Variants in RYK observed in about 807,000 individuals in gnomAD.
RYK encodes receptor like tyrosine kinase, also known as inactive tyrosine-protein kinase RYK.
RYK carries 21 observed loss-of-function variants against 70.2 expected under a neutral mutation model. That is an observed-to-expected ratio of 0.30 (90% confidence interval 0.21 to 0.43). The LOEUF (loss-of-function observed/expected upper bound fraction) is 0.43, where lower values mean the gene tolerates loss of function less well. Ranked by LOEUF, RYK falls within the 20% of genes least tolerant of loss-of-function variation. The pLI is 1.00. For synonymous variants in RYK, 267 were observed against 278.0 expected (o/e 0.96, Z 0.39); for missense variants, 604 against 753.3 (o/e 0.80, Z 2.32).
At chr3:134,198,009 A>AT (rs1553771024) in intron 6 of RYK, among the ~76,000 whole-genome samples, 5 of 151,932 alleles carry the variant, frequency 3.3e-5, no homozygotes, top group African/African-American at 1.2e-4. Flanking sequence ...TCAGAACGAA[A>AT]TTTTTTTTTG....
intron 4 of RYK, 101 bp from the exon 5 acceptor site, chr3:134,207,626 T>C (rs763894013): frequency 1.4e-6 from 1 of 711,882 alleles, no homozygotes; most frequent in African/African-American, 1.8e-5. Context: ...CAGCAACAGG[T>C]ATGTGTTGCG....
chr3:134,188,703 T>G (rs545073002), intron 9 of RYK, 134 bp downstream of exon 9: 1 of 575,402 alleles, frequency 1.7e-6, no homozygotes, highest in East Asian at 3.1e-5. Flanking sequence ...AAGACAATTT[T>G]TGTTTTCAGC....
chr3:134,157,226 A>C lies in RYK; in HGVS notation c.*927T>G, dbSNP rs1171260075. 1.3e-5 allele frequency: 2 copies of C among 152,716 alleles called. No individual in the cohort carries two copies. Among genetic ancestry groups the C allele is most frequent in the Non-Finnish European group, 2.9e-5 (2 of 68,052 alleles). The allele number at this position is 152,716 out of a possible 1,614,324, so 9.5% of individuals were successfully genotyped here. ...AGATAAGCACAAAATTTACCAGTTT[A>C]CATTTAAAAAACAAACAAAAAACGA... On this transcript the variant is annotated 3_prime_UTR_variant, in exon 15 of 15. Coordinates refer to ENST00000623711, the MANE Select transcript of RYK (RefSeq NM_002958.4).
At chr3:134,170,206 T>C (rs1220688808) in intron 13 of RYK, among the ~76,000 whole-genome samples, 1 of 152,202 alleles carries the variant, frequency 6.6e-6, no homozygotes, top group Non-Finnish European at 1.5e-5. Flanking sequence ...AAATTTATAA[T>C]AAGCTACAAA....
intron 1 of RYK, among the ~76,000 whole-genome samples, chr3:134,247,585 C>A (rs1287787235): frequency 6.6e-6 from 1 of 151,918 alleles, no homozygotes; most frequent in East Asian, 1.9e-4. Flanking sequence ...GCCTGTAATC[C>A]CAACTACTGG....
rs116080830 is a variant in RYK, at chr3:134,187,919, T to C, written c.1102+918A>G. Among the ~76,000 whole-genome samples, 1,045 of 152,134 alleles carry C rather than the reference T, an allele frequency of 6.9e-3. 18 individuals are homozygous for C. The highest frequency in any genetic ancestry group is 0.023 in the African/African-American group (964 of 41,518). On this transcript the variant is annotated intron_variant, in intron 9 of 14. Transcript: ENST00000623711. Reference sequence around the variant, plus strand: ...CTGTTGTAAGTAATTAAAATTCTAGTATTTTTTAAAGTCTTGCAAATCTAC... The same window carrying C: ...CTGTTGTAAGTAATTAAAATTCTAGCATTTTTTAAAGTCTTGCAAATCTAC...
At chr3:134,174,399 T>C (rs1022563880) in intron 13 of RYK, among the ~76,000 whole-genome samples, 2 of 152,226 alleles carry the variant, frequency 1.3e-5, no homozygotes, top group South Asian at 4.1e-4. Context: ...CAGTAATACA[T>C]GATTAAAAGA....
chr3:134,161,149 A>C (rs1043637424), intron 13 of RYK, among the ~76,000 whole-genome samples: 11 of 152,236 alleles, frequency 7.2e-5, no homozygotes, highest in African/African-American at 2.7e-4. Context: ...AAAACAGCTA[A>C]CAATATATCG....
chr3:134,170,647 A>C (rs2012868651), intron 13 of RYK: 1 of 153,412 alleles, frequency 6.5e-6, no homozygotes, highest in Non-Finnish European at 1.5e-5. Flanking sequence ...ATGTCTGGGA[A>C]AGAGAAGTCT....
intron 11 of RYK, among the ~76,000 whole-genome samples, chr3:134,176,360 C>T (rs747919346): frequency 6.6e-5 from 10 of 152,196 alleles, no homozygotes; most frequent in African/African-American, 9.7e-5. Context: ...GGTAATATTT[C>T]AAATGTTTAT....
chr3:134,182,929 G>A (rs1560006575), intron 10 of RYK, 73 bp downstream of exon 10: 2 of 919,772 alleles, frequency 2.2e-6, no homozygotes, highest in East Asian at 2.8e-5. Flanking sequence ...TCATCACAAT[G>A]TTCTGCACAT....
chr3:134,174,745 G>C (rs558569556), intron 13 of RYK, among the ~76,000 whole-genome samples: 2 of 152,006 alleles, frequency 1.3e-5, no homozygotes, highest in African/African-American at 2.4e-5. Flanking sequence ...ATATGAACAA[G>C]TGAACGTGGC....
intron 13 of RYK, among the ~76,000 whole-genome samples, chr3:134,164,777 T>A (rs1365580774): frequency 1.3e-5 from 2 of 152,250 alleles, no homozygotes; most frequent in Non-Finnish European, 2.9e-5. Context: ...ATATGGTACA[T>A]ACATATTTAA....
intron 13 of RYK, among the ~76,000 whole-genome samples, chr3:134,168,789 A>G (rs1238173176): frequency 6.6e-6 from 1 of 152,064 alleles, no homozygotes; most frequent in African/African-American, 2.4e-5. Context: ...AATAATAATA[A>G]TAAGAAGAAG....
chr3:134,211,839 T>C (rs2014407045), intron 2 of RYK, among the ~76,000 whole-genome samples: 1 of 152,194 alleles, frequency 6.6e-6, no homozygotes, highest in Admixed American at 6.5e-5. Context: ...ACCACCACTC[T>C]TCCATAAAAC....
chr3:134,239,502 A>G (rs1035747794), intron 1 of RYK, among the ~76,000 whole-genome samples: 4 of 152,132 alleles, frequency 2.6e-5, no homozygotes, highest in African/African-American at 9.7e-5. Context: ...AGCTATAAAA[A>G]ATTAACATAT....
chr3:134,169,478 G>A (rs976576680), intron 13 of RYK, among the ~76,000 whole-genome samples: 1 of 152,102 alleles, frequency 6.6e-6, no homozygotes, highest in East Asian at 1.9e-4. Flanking sequence ...AAATTCTTAA[G>A]AATGCCTACA....
At chr3:134,201,617 G>A (rs1036091034) in intron 6 of RYK, among the ~76,000 whole-genome samples, 4 of 152,220 alleles carry the variant, frequency 2.6e-5, no homozygotes, top group African/African-American at 9.6e-5. Context: ...GCTGGAATTT[G>A]AAGAACGGAC....
At chr3:134,197,224 T>A (rs924987112) in intron 6 of RYK, among the ~76,000 whole-genome samples, 1 of 152,158 alleles carries the variant, frequency 6.6e-6, no homozygotes, top group Non-Finnish European at 1.5e-5. Flanking sequence ...TGGCTCAACG[T>A]TATTACAGAA....
Sources: gnomAD v4.1 joint callset for allele counts (sites outside exome capture counted in the v4.1 genomes callset) on GRCh38, gnomAD v4.1.1 for gene constraint, MANE v1.5 for transcripts, NCBI Gene and HGNC (gene_info 2026-07-23, HGNC 2026-07-21) for gene names.